Variants in KANSL1 observed in about 807,000 individuals in gnomAD.
KANSL1 encodes the protein KAT8 regulatory NSL complex subunit 1, also known as MLL1/MLL complex subunit KANSL1.
A neutral mutation model predicts 103.6 loss-of-function variants in KANSL1; 22 were observed. The ratio of observed to expected loss-of-function variants is 0.21; its 90% confidence interval spans 0.15 to 0.30. The LOEUF (loss-of-function observed/expected upper bound fraction) is 0.30, where lower values mean the gene tolerates loss of function less well. Among genes scored for constraint, KANSL1 ranks in the 10% least tolerant of loss-of-function variants. KANSL1 has a pLI of 1.00. For synonymous variants in KANSL1, 600 were observed against 527.6 expected, an observed-to-expected ratio of 1.14 and a Z score of -1.88; for missense variants, 1,337 against 1,399.8, an observed-to-expected ratio of 0.96 and a Z score of 0.72.
chr17:46,159,045 G>C (rs1384367259), intron 2 of KANSL1, among the ~76,000 whole-genome samples: 1 of 152,116 alleles, frequency 6.6e-6, no homozygotes, highest in Non-Finnish European at 1.5e-5. Context: ...GGACACACTG[G>C]TCCCAGGTTG....
chr17:46,191,851 G>C (rs80038921), intron 1 of KANSL1, among the ~76,000 whole-genome samples: 16,937 of 149,880 alleles, frequency 0.11, no homozygotes, highest in Non-Finnish European at 0.17. Context: ...TGGAGGAAGA[G>C]AGATTTCTCG....
In KANSL1 at chr17:46,216,598, C is replaced by CA. The variant is rs72237062; in HGVS notation, c.-90+7072dup. On this transcript the variant is annotated intron_variant, in intron 1 of 14. Transcript: ENST00000572904. ...TGGGCAAAAGAGCAAGACTCCGTCT[C>CA]AAAAAAAAAAAAAAAAAAGTTTCAA... Among the ~76,000 whole-genome samples, 492 of 83,338 alleles carry CA rather than the reference C, an allele frequency of 5.9e-3. 3 individuals carry two copies. Among genetic ancestry groups the CA allele is most frequent in the East Asian group, 0.032 (109 of 3,356 alleles). The allele number at this position is 83,338 out of a possible 152,430, so 54.7% of individuals were successfully genotyped here.
chr17:46,054,886 T>G (rs2146529269), intron 6 of KANSL1, among the ~76,000 whole-genome samples: 1 of 151,298 alleles, frequency 6.6e-6, no homozygotes, highest in African/African-American at 2.4e-5. Flanking sequence ...GGAGTCTCGC[T>G]GTCGCCCAGG....
At chr17:46,208,892 C>G in intron 1 of KANSL1, among the ~76,000 whole-genome samples, 1 of 150,498 alleles carries the variant, frequency 6.6e-6, no homozygotes, top group South Asian at 2.1e-4. Context: ...TGATGCAGCC[C>G]GGGCGCAGTG....
chr17:46,113,040 A>C (rs1490290625), intron 2 of KANSL1, among the ~76,000 whole-genome samples: 2 of 152,130 alleles, frequency 1.3e-5, no homozygotes, highest in African/African-American at 4.8e-5. Flanking sequence ...AATTTTAGAC[A>C]TCAATTTAAG....
At chr17:46,091,543 C>T in intron 3 of KANSL1, among the ~76,000 whole-genome samples, 1 of 152,168 alleles carries the variant, frequency 6.6e-6, no homozygotes, top group East Asian at 1.9e-4. Flanking sequence ...TCACCCAGAG[C>T]AACTTCCAGT....
intron 7 of KANSL1, chr17:46,045,803 A>C (rs896849969): frequency 2.6e-5 from 4 of 152,256 alleles, no homozygotes; most frequent in African/African-American, 9.7e-5. Flanking sequence ...ACAGGAGCTG[A>C]GAGACACACA....
chr17:46,050,384 CTTT>C (rs2077670300), intron 7 of KANSL1, 146 bp downstream of exon 7: 1 of 762,612 alleles, frequency 1.3e-6, no homozygotes, highest in Non-Finnish European at 2.1e-6. Context: ...CTGTTACAGT[CTTT>C]TTGCAAAATT....
chr17:46,218,402 G>T (rs937434779), intron 1 of KANSL1, among the ~76,000 whole-genome samples: 1 of 152,180 alleles, frequency 6.6e-6, no homozygotes, highest in Non-Finnish European at 1.5e-5. Flanking sequence ...GGACACCAAG[G>T]TTCTAAGAGG....
chr17:46,097,101 A>G (rs2042120376), intron 2 of KANSL1, among the ~76,000 whole-genome samples: 1 of 152,260 alleles, frequency 6.6e-6, no homozygotes, highest in Non-Finnish European at 1.5e-5. Context: ...TCACTGGAGG[A>G]GAGTCTGTAA....
chr17:46,199,708 CTAAT>C (rs1461636811), intron 1 of KANSL1, among the ~76,000 whole-genome samples: 4 of 152,200 alleles, frequency 2.6e-5, no homozygotes, highest in East Asian at 3.8e-4. Context: ...AAAAGAAAAA[CTAAT>C]TATTAGGCAG....
At chr17:46,074,949 G>A (rs940313859) in intron 4 of KANSL1, among the ~76,000 whole-genome samples, 4 of 152,032 alleles carry the variant, frequency 2.6e-5, no homozygotes, top group Non-Finnish European at 5.9e-5. Context: ...TGTAGAGAAG[G>A]GTACAGTATC....
intron 2 of KANSL1, among the ~76,000 whole-genome samples, chr17:46,138,450 C>T (rs892887919): frequency 6.6e-6 from 1 of 152,180 alleles, no homozygotes; most frequent in Non-Finnish European, 1.5e-5. Context: ...ACAAAGCATA[C>T]AGGAGGATGT....
intron 2 of KANSL1, among the ~76,000 whole-genome samples, chr17:46,109,095 G>A (rs1158801330): frequency 6.6e-6 from 1 of 152,102 alleles, no homozygotes; most frequent in Admixed American, 6.5e-5. Context: ...GACCTCAGAT[G>A]TGCACCACCA....
At chr17:46,050,418 C>T (rs1400580202) in intron 7 of KANSL1, 115 bp downstream of exon 7, 6 of 1,096,154 alleles carry the variant, frequency 5.5e-6, no homozygotes, top group South Asian at 1.7e-5. Flanking sequence ...ACTTGGTTGA[C>T]GAAAGTTGTA....
chr17:46,174,332 G>A (rs2696664), intron 1 of KANSL1, among the ~76,000 whole-genome samples: 21,947 of 151,918 alleles, frequency 0.14, 2,138 homozygotes, highest in Non-Finnish European at 0.22. Flanking sequence ...CTACAGGCAC[G>A]TGCCACCACG....
At chr17:46,163,525 C>G (rs192165328) in intron 2 of KANSL1, among the ~76,000 whole-genome samples, 4 of 152,190 alleles carry the variant, frequency 2.6e-5, no homozygotes, top group Non-Finnish European at 2.9e-5. Flanking sequence ...CTGCACCCAG[C>G]CATTTCCTCA....
intron 2 of KANSL1, among the ~76,000 whole-genome samples, chr17:46,167,396 G>A (rs1024125335): frequency 2.6e-5 from 4 of 152,130 alleles, no homozygotes; most frequent in African/African-American, 9.7e-5. Context: ...CTACAATTAA[G>A]AATTAAACAT....
intron 3 of KANSL1, among the ~76,000 whole-genome samples, chr17:46,092,302 A>G (rs1474459466): frequency 1.3e-5 from 2 of 152,210 alleles, no homozygotes; most frequent in African/African-American, 4.8e-5. Context: ...GATATTTTGA[A>G]AGTTTCTGAA....
Sources: allele counts gnomAD v4.1 joint callset (sites outside exome capture counted in the v4.1 genomes callset), GRCh38; gene constraint gnomAD v4.1.1; transcripts MANE v1.5; gene names NCBI Gene and HGNC (gene_info 2026-07-23, HGNC 2026-07-21).